Variants in LAMC1 observed in about 807,000 individuals in gnomAD.
LAMC1 encodes the protein laminin subunit gamma-1.
A neutral mutation model predicts 173.6 loss-of-function variants in LAMC1; 38 were observed. The ratio of observed to expected loss-of-function variants is 0.22; its 90% CI spans 0.17 to 0.29. The LOEUF (loss-of-function observed/expected upper bound fraction) is 0.29, where lower values mean the gene tolerates loss of function less well. LAMC1 is among the 10% of genes least tolerant of loss of function. The pLI, the probability that LAMC1 is intolerant of heterozygous loss-of-function variation, is 1.00. For missense variants in LAMC1, 1,824 were observed against 2,051.8 expected (o/e 0.89, Z 2.14); for synonymous variants, 746 against 749.1 (o/e 1.00, Z 0.07).
At chr1:183,121,340 T>C (rs2102090337) in intron 11 of LAMC1, among the ~76,000 whole-genome samples, 1 of 152,120 alleles carries the variant, frequency 6.6e-6, no homozygotes, top group East Asian at 1.9e-4. Flanking sequence ...ACAGGAGAAT[T>C]GCTTGAACCC....
At chr1:183,088,062 C>G (rs111912339) in intron 1 of LAMC1, among the ~76,000 whole-genome samples, 17,682 of 152,172 alleles carry the variant, frequency 0.12, 1,163 homozygotes, top group Admixed American at 0.2. Context: ...ATCCGCCTCC[C>G]AAAGTGCTGG....
At chr1:183,117,285 T>G (rs1453059375) in intron 8 of LAMC1, 35 bp from the exon 9 acceptor site, 3 of 1,587,820 alleles carry the variant, frequency 1.9e-6, no homozygotes, top group Non-Finnish European at 1.7e-6. Flanking sequence ...ATGTTTACAG[T>G]GTAAAGTGCT....
chr1:183,028,148 A>G (rs1244447618), intron 1 of LAMC1, among the ~76,000 whole-genome samples: 1 of 118,264 alleles, frequency 8.5e-6, no homozygotes, highest in Non-Finnish European at 1.9e-5. Flanking sequence ...GCTATAAGGC[A>G]TTCCTCCCCC....
At chr1:183,116,188 A>T (rs951214335) in intron 6 of LAMC1, among the ~76,000 whole-genome samples, 17 of 152,094 alleles carry the variant, frequency 1.1e-4, no homozygotes, top group Admixed American at 2.0e-4. Context: ...CTTTTAAAAA[A>T]GTCTGTTGGC....
chr1:183,050,043 C>G (rs1050938063), intron 1 of LAMC1, among the ~76,000 whole-genome samples: 1 of 152,082 alleles, frequency 6.6e-6, no homozygotes, highest in Non-Finnish European at 1.5e-5. Flanking sequence ...CGTTCCCACT[C>G]AAGGTAGTGT....
chr1:183,132,402 A>T lies in LAMC1; in HGVS notation c.3569A>T (p.His1190Leu). 6.2e-7 allele frequency: 1 copy of T among 1,613,680 alleles called. No homozygotes were observed. Among genetic ancestry groups the T allele is most frequent in the Non-Finnish European group, 8.5e-7 (1 of 1,179,694 alleles). Reference protein sequence around the residue: ...AEEARKLAERHKQEADDIVRV... With the variant: ...AEEARKLAERLKQEADDIVRV... ...TATTTTTTGTTTTATCTGTATAGTC[A>T]TAAACAGGAAGCTGATGACATTGTT... Residue 1190 changes from histidine to leucine, a missense_variant and splice_region_variant, in exon 21 of 28, where the codon CAT becomes CTT. Transcript: ENST00000258341.
At chr1:183,117,115 T>C (rs1656344517) in intron 8 of LAMC1, 1 of 680,718 alleles carries the variant, frequency 1.5e-6, no homozygotes, top group Non-Finnish European at 2.4e-6. Flanking sequence ...TGATTACAAA[T>C]GTTATATAAA....
chr1:183,036,286 G>C (rs1269597467), intron 1 of LAMC1, among the ~76,000 whole-genome samples: 1 of 151,308 alleles, frequency 6.6e-6, no homozygotes, highest in Non-Finnish European at 1.5e-5. Flanking sequence ...TTTTAGTAGA[G>C]ATGGGGTTTC....
At chr1:183,070,952 T>A (rs984398250) in intron 1 of LAMC1, among the ~76,000 whole-genome samples, 4 of 152,204 alleles carry the variant, frequency 2.6e-5, no homozygotes, top group African/African-American at 9.7e-5. Context: ...CAAGAGTGTG[T>A]GGGAGACATT....
At chr1:183,115,422 G>A (rs137936537) in intron 5 of LAMC1, 98 bp from the exon 6 acceptor site, 2 of 800,210 alleles carry the variant, frequency 2.5e-6, no homozygotes, top group African/African-American at 3.4e-5. Flanking sequence ...TGGTTCTCAG[G>A]CATTGCTTTT....
intron 1 of LAMC1, among the ~76,000 whole-genome samples, chr1:183,088,512 G>T (rs1278790148): frequency 6.6e-6 from 1 of 152,244 alleles, no homozygotes; most frequent in Non-Finnish European, 1.5e-5. Flanking sequence ...AATTGTGTAT[G>T]TATGTGTGCA....
chr1:183,135,488 T>C (rs1656912907), intron 24 of LAMC1, among the ~76,000 whole-genome samples: 2 of 152,084 alleles, frequency 1.3e-5, no homozygotes, highest in Non-Finnish European at 2.9e-5. Context: ...TCACCCCAGA[T>C]AGAAGAGAAA....
intron 1 of LAMC1, among the ~76,000 whole-genome samples, chr1:183,036,553 C>A (rs1322983691): frequency 6.6e-6 from 1 of 151,646 alleles, no homozygotes; most frequent in Non-Finnish European, 1.5e-5. Flanking sequence ...CAGGCATGTG[C>A]CACCACACCC....
At chr1:183,130,319 G>A (rs749335516) in intron 18 of LAMC1, 25 bp from the exon 19 acceptor site, 1 of 1,584,354 alleles carries the variant, frequency 6.3e-7, no homozygotes, top group African/African-American at 1.3e-5. Context: ...ATAATTTACA[G>A]ACTTTCTTCT....
chr1:183,079,601 A>G (rs1348527166), intron 1 of LAMC1, among the ~76,000 whole-genome samples: 1 of 152,060 alleles, frequency 6.6e-6, no homozygotes, highest in African/African-American at 2.4e-5. Flanking sequence ...CCAGCCCTCT[A>G]ATCTGGTCTT....
intron 1 of LAMC1, among the ~76,000 whole-genome samples, chr1:183,066,230 C>T (rs1654869770): frequency 6.6e-6 from 1 of 152,086 alleles, no homozygotes; most frequent in Non-Finnish European, 1.5e-5. Flanking sequence ...TGTAATTGAA[C>T]AACTAAAAGA....
intron 1 of LAMC1, among the ~76,000 whole-genome samples, chr1:183,046,900 TTA>T (rs368325522): frequency 3.9e-4 from 60 of 152,286 alleles, no homozygotes; most frequent in African/African-American, 1.4e-3. Flanking sequence ...GTTTTAAAGT[TTA>T]TCTCTTTTAT....
chr1:183,130,930 T>C (rs1364040889), intron 19 of LAMC1, among the ~76,000 whole-genome samples: 12 of 152,126 alleles, frequency 7.9e-5, no homozygotes, highest in African/African-American at 2.9e-4. Flanking sequence ...ATCCCAGCAC[T>C]TTGGGAGGCC....
intron 13 of LAMC1, 122 bp downstream of exon 13, chr1:183,122,373 T>A: frequency 1.1e-6 from 1 of 894,956 alleles, no homozygotes; most frequent in East Asian, 2.4e-5. Context: ...ATGGTTTTCC[T>A]AATAGGAAGC....
Sources: allele counts gnomAD v4.1 joint callset (sites outside exome capture counted in the v4.1 genomes callset), GRCh38; gene constraint gnomAD v4.1.1; transcripts MANE v1.5; gene names NCBI Gene and HGNC (gene_info 2026-07-23, HGNC 2026-07-21).